PUDP: variants seen among roughly 807,000 people sequenced by gnomAD.
PUDP encodes pseudouridine-5'-phosphatase.
PUDP carries 8 observed loss-of-function variants against 9.4 expected under a neutral mutation model. The observed-to-expected ratio is 0.85, with a 90% CI of 0.50 to 1.53. The LOEUF is 1.53. Ranked by LOEUF, PUDP falls within the 40% of genes most tolerant of loss-of-function variation. The pLI is 0.00. For missense variants in PUDP, 188 were observed against 189.7 expected (o/e 0.99, Z 0.05); for synonymous variants, 99 against 80.7 (o/e 1.23, Z -1.22).
At chrX:6,742,101 G>C (rs1278235189) in intron 3 of PUDP, among the ~76,000 whole-genome samples, 1 of 111,442 alleles carries the variant, frequency 9.0e-6, no homozygotes, top group East Asian at 2.8e-4. Flanking sequence ...TGATCTGCCC[G>C]CCTCGGACTC....
At chrX:6,751,629 A>T (rs5948749) in intron 3 of PUDP, among the ~76,000 whole-genome samples, 8 of 109,843 alleles carry the variant, frequency 7.3e-5, no homozygotes, top group South Asian at 3.9e-4. Context: ...TCATTTTTCA[A>T]GATAAAAAGT....
chrX:6,875,216 G>A (rs938019521), intron 3 of PUDP, among the ~76,000 whole-genome samples: 1 of 110,669 alleles, frequency 9.0e-6, no homozygotes, highest in African/African-American at 3.3e-5. Flanking sequence ...CTACAGGTAT[G>A]CGCCAACAGG....
At chrX:6,883,101 A>C (rs944946296) in intron 3 of PUDP, among the ~76,000 whole-genome samples, 32 of 112,196 alleles carry the variant, frequency 2.9e-4, no homozygotes, top group African/African-American at 7.8e-4. Context: ...TGGTCCCCAC[A>C]TCTGGCCCCA....
At chrX:6,765,132 T>A (rs2146676141) in intron 3 of PUDP, among the ~76,000 whole-genome samples, 1 of 109,064 alleles carries the variant, frequency 9.2e-6, no homozygotes, top group East Asian at 2.9e-4. Context: ...TTACAAAAAT[T>A]ATCTGGGTGT....
intron 1 of PUDP, among the ~76,000 whole-genome samples, chrX:7,123,392 G>A (rs1053108472): frequency 4.5e-5 from 5 of 111,688 alleles, no homozygotes; most frequent in African/African-American, 1.6e-4. Flanking sequence ...CAATCACTAA[G>A]AAATACAGTA....
At chrX:6,770,633 T>C (rs932250985) in intron 3 of PUDP, among the ~76,000 whole-genome samples, 16 of 111,552 alleles carry the variant, frequency 1.4e-4, no homozygotes, top group African/African-American at 4.9e-4. Flanking sequence ...TGTCCTATGA[T>C]AGGCCAGCAA....
intron 1 of PUDP, among the ~76,000 whole-genome samples, chrX:6,714,635 T>C (rs766182428): frequency 4.5e-5 from 5 of 111,125 alleles, no homozygotes; most frequent in African/African-American, 9.8e-5. Flanking sequence ...ATGGAGATGA[T>C]AGAATGATAG....
intron 3 of PUDP, among the ~76,000 whole-genome samples, chrX:6,750,118 C>G (rs1221954121): frequency 1.8e-5 from 2 of 111,978 alleles, no homozygotes; most frequent in Non-Finnish European, 3.8e-5. Context: ...ATGACACAGT[C>G]AAGGCTACAC....
chrX:7,009,564 A>G (rs1156763322), intron 1 of PUDP, among the ~76,000 whole-genome samples: 4 of 111,895 alleles, frequency 3.6e-5, no homozygotes. Flanking sequence ...CTAGCAAGGA[A>G]CTTTATGATG....
intron 3 of PUDP, among the ~76,000 whole-genome samples, chrX:6,788,810 C>G (rs958852995): frequency 2.7e-5 from 3 of 112,525 alleles, no homozygotes; most frequent in Non-Finnish European, 5.6e-5. Context: ...TATCACTTTG[C>G]TATTTCTCTT....
At chrX:7,081,141 T>C (rs746034279) in intron 2 of PUDP, among the ~76,000 whole-genome samples, 5 of 111,867 alleles carry the variant, frequency 4.5e-5, no homozygotes, top group Non-Finnish European at 5.6e-5. Flanking sequence ...CTATTAATTT[T>C]AAAAACTTAA....
intron 3 of PUDP, among the ~76,000 whole-genome samples, chrX:6,822,355 G>A (rs932575601): frequency 2.7e-5 from 3 of 112,385 alleles, no homozygotes; most frequent in African/African-American, 9.7e-5. Context: ...ACAGCCTCTC[G>A]TCCTCCAATC....
chrX:6,989,372 T>A (rs1177583978), intron 1 of PUDP: 2 of 139,883 alleles, frequency 1.4e-5, no homozygotes, highest in Non-Finnish European at 3.0e-5. Context: ...ATTCTCAACA[T>A]TGAACCATTG....
At chrX:7,128,547 A>G (rs985033799) in intron 1 of PUDP, among the ~76,000 whole-genome samples, 3 of 111,378 alleles carry the variant, frequency 2.7e-5, no homozygotes, top group Admixed American at 9.6e-5. Flanking sequence ...AGCATGAAAA[A>G]GGGCTAGGGA....
intron 3 of PUDP, among the ~76,000 whole-genome samples, chrX:6,800,486 GT>G (rs778429993): frequency 1.6e-4 from 18 of 111,871 alleles, no homozygotes; most frequent in Non-Finnish European, 3.0e-4. Context: ...AATCTAAAGT[GT>G]TTGTTCCTCT....
chrX:7,019,899 T>C (rs1409095307), intron 1 of PUDP, among the ~76,000 whole-genome samples: 1 of 111,686 alleles, frequency 9.0e-6, no homozygotes, highest in Non-Finnish European at 1.9e-5. Flanking sequence ...TCTGCAAGGA[T>C]AATGAATTCA....
At chrX:6,837,067 T>C (rs1260585835) in intron 3 of PUDP, among the ~76,000 whole-genome samples, 2 of 112,545 alleles carry the variant, frequency 1.8e-5, no homozygotes, top group Non-Finnish European at 1.9e-5. Flanking sequence ...GCAATCCATG[T>C]CACAAATGTA....
chrX:6,718,117 T>TG (rs1924621406), intron 1 of PUDP, among the ~76,000 whole-genome samples: 2 of 111,763 alleles, frequency 1.8e-5, no homozygotes, highest in African/African-American at 3.3e-5. Context: ...ATATATAGTT[T>TG]TGCAAATATT....
intron 3 of PUDP, among the ~76,000 whole-genome samples, chrX:6,792,998 G>T (rs1261822704): frequency 1.8e-5 from 2 of 112,658 alleles, no homozygotes; most frequent in Admixed American, 9.4e-5. Context: ...CAGTCTGTTC[G>T]TGCAGCTATA....
Sources: gnomAD v4.1 joint callset for allele counts (sites outside exome capture counted in the v4.1 genomes callset) on GRCh38, gnomAD v4.1.1 for gene constraint, MANE v1.5 for transcripts, NCBI Gene and HGNC (gene_info 2026-07-23, HGNC 2026-07-21) for gene names.